Variants in GPC4 observed in about 807,000 individuals in gnomAD.
The protein encoded by GPC4 is glypican 4.
In GPC4, 10 loss-of-function variants were observed where a neutral mutation model predicts 35.0. That is an observed-to-expected ratio of 0.29 (90% confidence interval 0.18 to 0.48). GPC4 has a LOEUF of 0.48. Ranked by LOEUF, GPC4 falls within the 20% of genes least tolerant of loss-of-function variation. GPC4 has a pLI of 0.99. For synonymous variants in GPC4, 167 were observed against 170.2 expected, an observed-to-expected ratio of 0.98 and a Z score of 0.15; for missense variants, 322 against 451.3, an observed-to-expected ratio of 0.71 and a Z score of 2.60.
intron 1 of GPC4, among the ~76,000 whole-genome samples, chrX:133,408,644 GAATGGCTTGAACC>G (rs1349851705): frequency 1.8e-5 from 2 of 111,558 alleles, no homozygotes; most frequent in African/African-American, 6.5e-5. Flanking sequence ...TGAGGCAGGA[GAATGGCTTGAACC>G]AGAGGCGGAG....
intron 1 of GPC4, among the ~76,000 whole-genome samples, chrX:133,350,680 C>T (rs778940062): frequency 6.2e-5 from 7 of 112,259 alleles, no homozygotes; most frequent in Non-Finnish European, 1.3e-4. Context: ...TAATTACATC[C>T]TTTAAAACCC....
intron 1 of GPC4, among the ~76,000 whole-genome samples, chrX:133,381,171 T>C (rs1002532254): frequency 8.9e-5 from 10 of 111,805 alleles, no homozygotes; most frequent in African/African-American, 2.9e-4. Context: ...GGGCAGCACA[T>C]ACAAAGGAGA....
At chrX:133,316,248 C>T (rs2068337869) in intron 3 of GPC4, among the ~76,000 whole-genome samples, 2 of 111,902 alleles carry the variant, frequency 1.8e-5, no homozygotes, top group Admixed American at 1.9e-4. Flanking sequence ...AAAATAATCA[C>T]ATAACATGAG....
At chrX:133,357,420 C>T (rs1360738128) in intron 1 of GPC4, among the ~76,000 whole-genome samples, 2 of 106,553 alleles carry the variant, frequency 1.9e-5, no homozygotes, top group Non-Finnish European at 3.9e-5. Flanking sequence ...GAGATGGCGT[C>T]TCTGTCACCC....
At chrX:133,305,658 A>C in intron 6 of GPC4, 114 bp downstream of exon 6, 1 of 980,758 alleles carries the variant, frequency 1.0e-6, no homozygotes, top group South Asian at 2.3e-5. Context: ...TATTTGCTTG[A>C]AAAGTGACAC....
chrX:133,328,035 A>G (rs1435784073), intron 2 of GPC4, among the ~76,000 whole-genome samples: 1 of 110,858 alleles, frequency 9.0e-6, no homozygotes, highest in Non-Finnish European at 1.9e-5. Context: ...CATAATGAAA[A>G]TTTCTGGTAA....
chrX:133,403,872 T>A (rs1003406470), intron 1 of GPC4, among the ~76,000 whole-genome samples: 17 of 110,056 alleles, frequency 1.5e-4, no homozygotes, highest in African/African-American at 4.3e-4. Flanking sequence ...AATTTTTGTG[T>A]TTTTAGTCGA....
intron 2 of GPC4, among the ~76,000 whole-genome samples, chrX:133,331,774 T>A (rs1249000309): frequency 1.1e-5 from 1 of 92,535 alleles, no homozygotes; most frequent in East Asian, 3.5e-4. Flanking sequence ...AAAAAAAAAA[T>A]TCAGAACATG....
chrX:133,334,516 C>A (rs1292823912), intron 2 of GPC4, among the ~76,000 whole-genome samples: 5 of 112,002 alleles, frequency 4.5e-5, no homozygotes, highest in African/African-American at 1.6e-4. Flanking sequence ...GGGTACCATA[C>A]AGACGGCTAA....
chrX:133,310,167 C>G lies in GPC4; in HGVS notation c.877+1091G>C, dbSNP rs148330328. ...TAAAAAGCATTCCCCAACATTAACA[C>G]CCCTCACCTCCCCCCAAAAAACCAA... On this transcript the variant is annotated intron_variant, in intron 4 of 8. Coordinates refer to ENST00000370828, the MANE Select transcript of GPC4 (RefSeq NM_001448.3). 7.7e-3 allele frequency among the ~76,000 whole-genome samples: 859 copies of G among 111,185 alleles called. 5 individuals carry two copies. Among genetic ancestry groups the G allele is most frequent in the Middle Eastern group, 0.028 (6 of 218 alleles).
intron 1 of GPC4, among the ~76,000 whole-genome samples, chrX:133,404,563 AAAG>A (rs2068778791): frequency 9.7e-6 from 1 of 103,249 alleles, no homozygotes; most frequent in Non-Finnish European, 2.0e-5. Flanking sequence ...AAAAAAAAAA[AAAG>A]AAGGTGCAGA....
At chrX:133,322,849 A>G (rs2068372971) in intron 3 of GPC4, among the ~76,000 whole-genome samples, 1 of 112,119 alleles carries the variant, frequency 8.9e-6, no homozygotes, top group Non-Finnish European at 1.9e-5. Flanking sequence ...TTGAGGGCCT[A>G]AAGTTGACAG....
At chrX:133,315,724 G>A (rs2068335470) in intron 3 of GPC4, among the ~76,000 whole-genome samples, 1 of 111,478 alleles carries the variant, frequency 9.0e-6, no homozygotes, top group Non-Finnish European at 1.9e-5. Flanking sequence ...ATGGCATGGT[G>A]TGCCACTTAA....
intron 1 of GPC4, among the ~76,000 whole-genome samples, chrX:133,381,433 C>A (rs966556124): frequency 4.5e-5 from 5 of 111,802 alleles, no homozygotes; most frequent in African/African-American, 1.3e-4. Flanking sequence ...TGTAGAAATA[C>A]GCAAAACACA....
At chrX:133,374,305 T>C (rs899879002) in intron 1 of GPC4, among the ~76,000 whole-genome samples, 12 of 110,574 alleles carry the variant, frequency 1.1e-4, no homozygotes, top group African/African-American at 4.0e-4. Flanking sequence ...TCATGAACAC[T>C]ATGAAGAAAA....
At chrX:133,386,578 G>T (rs904743507) in intron 1 of GPC4, among the ~76,000 whole-genome samples, 2 of 111,536 alleles carry the variant, frequency 1.8e-5, no homozygotes, top group Non-Finnish European at 3.8e-5. Context: ...GGAGACTAAA[G>T]AACAACCTGA....
At chrX:133,308,648 C>A (rs760780335) in intron 4 of GPC4, among the ~76,000 whole-genome samples, 1 of 111,373 alleles carries the variant, frequency 9.0e-6, no homozygotes, top group East Asian at 2.8e-4. Flanking sequence ...AGAGGAAGAG[C>A]ATGGCAACAA....
At chrX:133,325,747 A>C (rs1377015168) in intron 2 of GPC4, among the ~76,000 whole-genome samples, 1 of 112,343 alleles carries the variant, frequency 8.9e-6, no homozygotes, top group Non-Finnish European at 1.9e-5. Flanking sequence ...GAGCTTATCA[A>C]AATGCAATAG....
rs1280375979 is a variant in GPC4, at chrX:133,303,901, T to TGGAG, written c.1293-564_1293-561dup. Among the ~76,000 whole-genome samples, 11 of 38,981 alleles carry TGGAG rather than the reference T, an allele frequency of 2.8e-4. 1 individual carries two copies. Among genetic ancestry groups the TGGAG allele is most frequent in the African/African-American group, 6.6e-4 (4 of 6,097 alleles). 33.9% of individuals were successfully genotyped at this position (38,981 alleles called of 115,157 possible). The stretch of plus-strand genomic sequence containing the variant: ...TAGCAGGGTGACAGTGATACTCTGT[T>TGGAG]GGAGGAAGGAAGGAAGGAAGGAAGG... On this transcript the variant is annotated intron_variant, in intron 7 of 8. Coordinates refer to ENST00000370828, the MANE Select transcript of GPC4 (RefSeq NM_001448.3).
Sources: allele counts gnomAD v4.1 joint callset (sites outside exome capture counted in the v4.1 genomes callset), GRCh38; gene constraint gnomAD v4.1.1; transcripts MANE v1.5; gene names NCBI Gene and HGNC (gene_info 2026-07-23, HGNC 2026-07-21).